The following NMU variants were observed in gnomAD, a reference collection of about 807,000 sequenced individuals.
The protein encoded by NMU is neuromedin U, also known as neuromedin-U.
A neutral mutation model predicts 35.4 loss-of-function variants in NMU; 29 were observed. That is an observed-to-expected ratio of 0.82 (90% CI 0.61 to 1.12). NMU has a LOEUF of 1.12. Among genes scored for constraint, NMU ranks in the 50% most tolerant of loss-of-function variants. The pLI is 0.00. For synonymous variants in NMU, 78 were observed against 81.3 expected (o/e 0.96, Z 0.22); for missense variants, 199 against 206.2 (o/e 0.97, Z 0.21).
intron 2 of NMU, among the ~76,000 whole-genome samples, chr4:55,625,088 C>T (rs1734466592): frequency 8.7e-6 from 1 of 115,320 alleles, no homozygotes; most frequent in Non-Finnish European, 1.8e-5. Flanking sequence ...TTAGTGGGTG[C>T]AGCGCACCAG....
At chr4:55,631,581 A>G (rs1734756811) in intron 1 of NMU, among the ~76,000 whole-genome samples, 1 of 152,182 alleles carries the variant, frequency 6.6e-6, no homozygotes, top group Admixed American at 6.5e-5. Flanking sequence ...CAGCATCACT[A>G]ATCATCAGGG....
Position 55,616,355 on chromosome 4 carries a change from T to C in NMU, c.202A>G (p.Ile68Val), listed in dbSNP as rs1279239763. 4 of 1,612,450 alleles carry C rather than the reference T, an allele frequency of 2.5e-6. No individual in the cohort carries two copies. The South Asian group carries it at 3.3e-5, about 13-fold the overall frequency. The stretch of plus-strand genomic sequence containing the variant: ...GGAATTACCTGAGGCTGAGAATCAA[T>C]GGACAGAAAAGACGAACAAGTATCA... ...IDDTCSSFLS[I>V]DSQPQASNAL... The change falls in exon 3 of 10, where the codon ATT (isoleucine) becomes GTT (valine). Residue 68 changes from isoleucine to valine, a missense_variant. Transcript: ENST00000264218.
chr4:55,636,767 A>C (rs551987622), upstream of NMU: 3 of 152,562 alleles, frequency 2.0e-5, no homozygotes, highest in Non-Finnish European at 4.4e-5. This position sits in a 1 kb window ranked among gnomAD's most constrained non-coding sequence, Gnocchi z 4.0. Context: ...TGCCTGGTGC[A>C]TATCAGGGCA....
intron 8 of NMU, among the ~76,000 whole-genome samples, 193 bp downstream of exon 8, chr4:55,600,329 G>A (rs2110181252): frequency 6.6e-6 from 1 of 152,220 alleles, no homozygotes; most frequent in East Asian, 1.9e-4. Context: ...GGTCAAAGAA[G>A]AGATCAGAGA....
At chr4:55,600,691 G>C in intron 7 of NMU, 116 bp from the exon 8 acceptor site, 1 of 743,666 alleles carries the variant, frequency 1.3e-6, no homozygotes, top group South Asian at 1.6e-5. Context: ...TAAACATAGA[G>C]GGAATCAGGG....
At chr4:55,607,568 CAT>C in intron 4 of NMU, 102 bp from the exon 5 acceptor site, 2 of 424,776 alleles carry the variant, frequency 4.7e-6, no homozygotes, top group Non-Finnish European at 8.5e-6. Flanking sequence ...ATTTAAAACA[CAT>C]GACTCATGTT....
At chr4:55,603,166 T>TTTTTTG (rs1560512816) in intron 7 of NMU, among the ~76,000 whole-genome samples, 3 of 151,994 alleles carry the variant, frequency 2.0e-5, no homozygotes, top group African/African-American at 4.8e-5. Flanking sequence ...CAGCTGATTT[T>TTTTTTG]TTTTTGTTTT....
At chr4:55,631,869 T>C (rs1470670741) in intron 1 of NMU, among the ~76,000 whole-genome samples, 2 of 152,160 alleles carry the variant, frequency 1.3e-5, no homozygotes, top group Non-Finnish European at 2.9e-5. Context: ...CACACACATG[T>C]TTATAGCAGC....
At chr4:55,619,297 A>C (rs1380265083) in intron 2 of NMU, among the ~76,000 whole-genome samples, 5 of 145,666 alleles carry the variant, frequency 3.4e-5, no homozygotes, top group Non-Finnish European at 7.6e-5. Flanking sequence ...GGCGCAGGCC[A>C]GTGGGTGCGC....
At chr4:55,613,283 A>C (rs926519675) in intron 3 of NMU, among the ~76,000 whole-genome samples, 5 of 152,082 alleles carry the variant, frequency 3.3e-5, no homozygotes, top group African/African-American at 1.2e-4. Flanking sequence ...AAATCTGCAC[A>C]TTTACCCCTG....
rs139406657 is a variant in NMU at position 55,604,431 on chromosome 4, T to C, written c.435+844A>G. ...GTAAGAATGTGTTAATGGGGTTACA[T>C]TCATCTTACACATAGATGCTGGATT... On this transcript the variant is annotated intron_variant, in intron 7 of 9. Transcript: ENST00000264218. Among the ~76,000 whole-genome samples the C allele has an allele frequency of 1.1e-3, 167 of 152,168 alleles. 2 individuals are homozygous for C. In the East Asian group the frequency reaches 0.028, roughly 25 times the overall value.
intron 4 of NMU, 74 bp downstream of exon 4, chr4:55,609,046 T>G: frequency 7.7e-7 from 1 of 1,291,360 alleles, no homozygotes; most frequent in East Asian, 2.3e-5. Context: ...ATTGGGCATA[T>G]TTTCTTCCAG....
intron 1 of NMU, 58 bp from the exon 2 acceptor site, chr4:55,630,518 A>G: frequency 7.7e-7 from 1 of 1,291,848 alleles, no homozygotes; most frequent in Non-Finnish European, 1.1e-6. Context: ...AAAATTAAAT[A>G]TCCATATATA....
intron 1 of NMU, among the ~76,000 whole-genome samples, chr4:55,635,712 G>A (rs1232975997): frequency 1.3e-5 from 2 of 152,228 alleles, no homozygotes; most frequent in Non-Finnish European, 2.9e-5. Flanking sequence ...TGCAATCAAA[G>A]GGAAAACATT....
chr4:55,617,340 AG>A (rs1734146350), intron 2 of NMU, among the ~76,000 whole-genome samples: 1 of 152,182 alleles, frequency 6.6e-6, no homozygotes, highest in Non-Finnish European at 1.5e-5. Context: ...TTACAGAAAA[AG>A]CATAAGCTTA....
At chr4:55,597,661 C>T (rs986653430) in intron 9 of NMU, among the ~76,000 whole-genome samples, 13 of 152,152 alleles carry the variant, frequency 8.5e-5, no homozygotes, top group Non-Finnish European at 1.8e-4. Flanking sequence ...CCACCGTGCC[C>T]AGCCGCGGGT....
chr4:55,635,558 C>T (rs1400136662), intron 1 of NMU, among the ~76,000 whole-genome samples: 2 of 152,194 alleles, frequency 1.3e-5, no homozygotes, highest in Non-Finnish European at 2.9e-5. Flanking sequence ...TAGCGTGGGG[C>T]CCGTTGTACC....
chr4:55,619,648 TG>T (rs1230353923), intron 2 of NMU, among the ~76,000 whole-genome samples: 1 of 100,936 alleles, frequency 9.9e-6, no homozygotes, highest in East Asian at 3.0e-4. Context: ...AAGCTCGAAC[TG>T]GGTGGAGCCC....
intron 4 of NMU, among the ~76,000 whole-genome samples, chr4:55,608,008 A>G (rs1733765249): frequency 6.6e-6 from 1 of 151,548 alleles, no homozygotes; most frequent in South Asian, 2.1e-4. Flanking sequence ...GTCTCTACTA[A>G]AAAAAATACA....
Sources: gnomAD v4.1 joint callset for allele counts (sites outside exome capture counted in the v4.1 genomes callset) on GRCh38, gnomAD v4.1.1 for gene constraint, Gnocchi (gnomAD v3.1) non-coding constraint, MANE v1.5 for transcripts, NCBI Gene and HGNC (gene_info 2026-07-23, HGNC 2026-07-21) for gene names.